Variants in USH2A observed in about 807,000 individuals in gnomAD.
The protein encoded by USH2A is usherin, also known as Usher syndrome 2A (autosomal recessive, mild).
In USH2A, 443 loss-of-function variants were observed where a neutral mutation model predicts 538.9. The ratio of observed to expected loss-of-function variants is 0.82; its 90% confidence interval spans 0.76 to 0.89. The LOEUF (loss-of-function observed/expected upper bound fraction) is 0.89. USH2A is among the 40% of genes least tolerant of loss of function. USH2A has a pLI of 0.00. For synonymous variants in USH2A, 2,413 were observed against 2,273.5 expected (o/e 1.06, Z -1.75); for missense variants, 6,633 against 6,324.8 (o/e 1.05, Z -1.65).
chr1:216,403,735 T>C (rs2039345925), intron 3 of USH2A, among the ~76,000 whole-genome samples: 1 of 152,172 alleles, frequency 6.6e-6, no homozygotes, highest in African/African-American at 2.4e-5. Flanking sequence ...GGATGTATGA[T>C]ATAGTTTGGC....
In USH2A at chr1:216,134,563, G is replaced by T. The variant is rs111765850; in HGVS notation, c.4628-37350C>A. ...ATAGGGTTTGCATTTGGGTTCATAT[G>T]AAACCAATTTTGTCAAATCAACTTA... On this transcript the variant is annotated intron_variant, in intron 21 of 71. Coordinates refer to ENST00000307340, the MANE Select transcript of USH2A (RefSeq NM_206933.4). 4.3e-3 allele frequency among the ~76,000 whole-genome samples: 660 copies of T among 152,214 alleles called. 1 individual carries two copies. The highest frequency in any genetic ancestry group is 0.015 in the African/African-American group (634 of 41,564).
chr1:216,134,427 G>A (rs970388264), intron 21 of USH2A, among the ~76,000 whole-genome samples: 10 of 152,040 alleles, frequency 6.6e-5, no homozygotes, highest in African/African-American at 2.4e-4. Flanking sequence ...AATGTCCCAG[G>A]TAGCAGAACA....
chr1:216,133,221 A>G (rs1452964624), intron 21 of USH2A, among the ~76,000 whole-genome samples: 1 of 152,148 alleles, frequency 6.6e-6, no homozygotes, highest in Non-Finnish European at 1.5e-5. Flanking sequence ...ATTTAACACA[A>G]TATTTTCTAA....
chr1:216,249,651 T>C (rs2036120941), intron 12 of USH2A, among the ~76,000 whole-genome samples: 1 of 152,176 alleles, frequency 6.6e-6, no homozygotes, highest in South Asian at 2.1e-4. Context: ...CAGATTTTCA[T>C]GTAATGTTTC....
chr1:216,292,138 G>A, intron 10 of USH2A, 37 bp downstream of exon 10: 1 of 1,603,224 alleles, frequency 6.2e-7, no homozygotes, highest in Non-Finnish European at 8.5e-7. Flanking sequence ...AAGCACACAG[G>A]CCTCCAAACC....
intron 21 of USH2A, among the ~76,000 whole-genome samples, chr1:216,142,512 C>T (rs2033621257): frequency 6.6e-6 from 1 of 152,102 alleles, no homozygotes; most frequent in Non-Finnish European, 1.5e-5. Context: ...TTTAGTCCTG[C>T]TTGTCTAATC....
chr1:215,869,369 T>C (rs2102442766), intron 43 of USH2A, among the ~76,000 whole-genome samples: 1 of 152,278 alleles, frequency 6.6e-6, no homozygotes, highest in East Asian at 1.9e-4. Context: ...CATACTTGGA[T>C]GATGTCATAT....
chr1:215,956,083 A>T (rs1367776497), intron 37 of USH2A, among the ~76,000 whole-genome samples: 1 of 152,164 alleles, frequency 6.6e-6, no homozygotes, highest in African/African-American at 2.4e-5. Flanking sequence ...TCTAACATCA[A>T]TTCACAGCTG....
At position 215,674,433 on chromosome 1, in the gene USH2A, CGT is replaced by C; in HGVS notation, c.13476_13477del (p.Arg4493LeufsTer3). On this transcript the variant is annotated frameshift_variant, in exon 63 of 72. Coordinates refer to ENST00000307340, the MANE Select transcript of USH2A (RefSeq NM_206933.4). LOFTEE classifies it high-confidence loss of function. ...TGGGGTGAGAGTAAAATCACGATAG[CGT>C]GTTTCCAAGCCTGTATATACAATGG... The C allele has an allele frequency of 1.2e-6, 2 of 1,614,112 alleles. No homozygotes were observed. The highest frequency in any genetic ancestry group is 1.7e-6 in the Non-Finnish European group (2 of 1,180,020).
At chr1:215,832,707 C>T (rs1663359187) in intron 47 of USH2A, among the ~76,000 whole-genome samples, 1 of 151,818 alleles carries the variant, frequency 6.6e-6, no homozygotes, top group Admixed American at 6.6e-5. Flanking sequence ...CAAGGATATG[C>T]TCTTATCACG....
At chr1:215,753,593 T>G (rs1660689250) in intron 58 of USH2A, among the ~76,000 whole-genome samples, 1 of 151,710 alleles carries the variant, frequency 6.6e-6, no homozygotes, top group African/African-American at 2.4e-5. Flanking sequence ...TTCTCACTCA[T>G]AGGTGGGAAT....
chr1:215,713,138 G>A (rs1320931594), intron 61 of USH2A, among the ~76,000 whole-genome samples: 1 of 152,066 alleles, frequency 6.6e-6, no homozygotes, highest in African/African-American at 2.4e-5. Flanking sequence ...TTGAAATTCT[G>A]GACTAGTATC....
At chr1:216,405,437 C>T (rs2039379236) in intron 3 of USH2A, among the ~76,000 whole-genome samples, 1 of 152,112 alleles carries the variant, frequency 6.6e-6, no homozygotes, top group Admixed American at 6.5e-5. Context: ...TGAAAATATG[C>T]TGAACACCAT....
Position 216,289,269 on chromosome 1 carries a change from GA to G in USH2A, c.1971+10del, listed in dbSNP as rs768287915. On this transcript the variant is annotated intron_variant, in intron 11 of 71. Transcript: ENST00000307340. Reference sequence around the variant, plus strand: ...AGTAATCCTTTACCTTAAATACTCAGAAAAACTCACCTGATCACAAAGAATG... The same window carrying G: ...AGTAATCCTTTACCTTAAATACTCAGAAAACTCACCTGATCACAAAGAATG... 1.9e-6 allele frequency: 3 copies of G among 1,613,678 alleles called. No homozygotes were observed. Among genetic ancestry groups the G allele is most frequent in the Non-Finnish European group, 2.5e-6 (3 of 1,179,724 alleles).
chr1:215,766,390 A>G (rs1285164668), intron 56 of USH2A, among the ~76,000 whole-genome samples: 2 of 152,146 alleles, frequency 1.3e-5, no homozygotes, highest in African/African-American at 4.8e-5. Context: ...TGCTTATTAT[A>G]TATTAGATGC....
In USH2A at chr1:216,324,313, T is replaced by C. The variant is rs990597888; in HGVS notation, c.1183A>G (p.Thr395Ala). ...TTCTTCCTTTGAATCCTTATTTCCGTTGGTTGTGGACTAAAGAACTGAATG... is the reference window on the plus strand; with the variant it reads ...TTCTTCCTTTGAATCCTTATTTCCGCTGGTTGTGGACTAAAGAACTGAATG... ...IIIQFFSPQP[T>A]EIRIQRKKEN... The change falls in exon 7 of 72, where the codon ACG (threonine) becomes GCG (alanine). Residue 395 changes from threonine (T) to alanine (A), a missense_variant. Physicochemically the swap from Thr to Ala is moderately conservative, Grantham distance 58. Coordinates refer to ENST00000307340, the MANE Select transcript of USH2A (RefSeq NM_206933.4). The C allele has an allele frequency of 6.2e-7, 1 of 1,612,870 alleles. No homozygotes were observed. The highest frequency in any genetic ancestry group is 1.3e-5 in the African/African-American group (1 of 75,010).
intron 32 of USH2A, among the ~76,000 whole-genome samples, chr1:216,008,352 A>AC (rs1433401314): frequency 1.3e-5 from 2 of 150,002 alleles, no homozygotes; most frequent in Non-Finnish European, 3.0e-5. Flanking sequence ...GTACCTTGTG[A>AC]CCCCCACTCT....
At position 215,948,131 on chromosome 1, in the gene USH2A, G is replaced by T. The variant is rs570698407; in HGVS notation, c.7121-13336C>A. 1.8e-3 allele frequency among the ~76,000 whole-genome samples: 270 copies of T among 152,022 alleles called. 1 individual carries two copies. Among genetic ancestry groups the T allele is most frequent in the African/African-American group, 6.3e-3 (262 of 41,524 alleles). On this transcript the variant is annotated intron_variant, in intron 37 of 71. Transcript: ENST00000307340. ...CTTGTATAACAATCTCAAGATTTTT[G>T]TTCCCAATTTCTTATTAGAGTTTGA...
intron 15 of USH2A, among the ~76,000 whole-genome samples, chr1:216,210,096 A>G (rs1189555089): frequency 6.6e-6 from 1 of 152,176 alleles, no homozygotes; most frequent in Non-Finnish European, 1.5e-5. Flanking sequence ...AGAGAGGCCA[A>G]GAAGACTCTG....
Sources: allele counts gnomAD v4.1 joint callset (sites outside exome capture counted in the v4.1 genomes callset), GRCh38; gene constraint gnomAD v4.1.1; transcripts MANE v1.5; gene names NCBI Gene and HGNC (gene_info 2026-07-23, HGNC 2026-07-21).